TAOK3: variants seen among roughly 807,000 people sequenced by gnomAD.
TAOK3 encodes TAO kinase 3, also known as serine/threonine-protein kinase TAO3.
TAOK3 carries 40 observed loss-of-function variants against 120.4 expected under a neutral mutation model. The ratio of observed to expected loss-of-function variants is 0.33; its 90% CI spans 0.26 to 0.43. The LOEUF (loss-of-function observed/expected upper bound fraction) is 0.43. TAOK3 is among the 20% of genes least tolerant of loss of function. The pLI is 1.00. For missense variants in TAOK3, 821 were observed against 1,112.1 expected, an observed-to-expected ratio of 0.74 and a Z score of 3.72; for synonymous variants, 355 against 387.5, an observed-to-expected ratio of 0.92 and a Z score of 0.99.
chr12:118,285,687 C>A (rs920145519), intron 1 of TAOK3, among the ~76,000 whole-genome samples: 11 of 152,160 alleles, frequency 7.2e-5, no homozygotes, highest in African/African-American at 2.7e-4. Flanking sequence ...TTTAAATATT[C>A]TCTTGTGAAC....
At chr12:118,269,229 T>C (rs559409755) in intron 1 of TAOK3, among the ~76,000 whole-genome samples, 1 of 151,830 alleles carries the variant, frequency 6.6e-6, no homozygotes, top group South Asian at 2.1e-4. Flanking sequence ...TGGCGAGATT[T>C]CAGCTCACTG....
At chr12:118,182,308 A>G in intron 14 of TAOK3, among the ~76,000 whole-genome samples, 1 of 152,226 alleles carries the variant, frequency 6.6e-6, no homozygotes, top group East Asian at 1.9e-4. Context: ...ATTGGGAATC[A>G]GGCCCATCTC....
At chr12:118,325,385 A>G (rs928012949) in intron 1 of TAOK3, among the ~76,000 whole-genome samples, 2 of 152,102 alleles carry the variant, frequency 1.3e-5, no homozygotes, top group African/African-American at 4.8e-5. Context: ...GCCAGCATTC[A>G]TTATTGCCTG....
At chr12:118,336,368 C>A (rs1003772591) in intron 1 of TAOK3, among the ~76,000 whole-genome samples, 7 of 152,106 alleles carry the variant, frequency 4.6e-5, no homozygotes, top group African/African-American at 1.7e-4. Flanking sequence ...TCCTTTTCAA[C>A]AAATGGTGCT....
At chr12:118,328,479 G>A (rs556297706) in intron 1 of TAOK3, among the ~76,000 whole-genome samples, 12 of 152,170 alleles carry the variant, frequency 7.9e-5, no homozygotes, top group South Asian at 2.1e-4. Context: ...TTAAAGAAAC[G>A]TACATTTAAT....
rs541342864 is a variant in TAOK3 at position 118,344,214 on chromosome 12, A to C, written c.-194+28434T>G. The stretch of plus-strand genomic sequence containing the variant: ...AGTCCTTTATCTTGTATGCAGTCTG[A>C]ATTTTTTTTCCTGATTTACCAAAAT... On this transcript the variant is annotated intron_variant, in intron 1 of 20. Transcript: ENST00000392533. 2.0e-5 allele frequency among the ~76,000 whole-genome samples: 3 copies of C among 146,886 alleles called. No individual in the cohort carries two copies. In the East Asian group the frequency reaches 5.9e-4, roughly 29 times the overall value.
At chr12:118,198,163 C>T (rs900567921) in intron 13 of TAOK3, among the ~76,000 whole-genome samples, 3 of 152,052 alleles carry the variant, frequency 2.0e-5, no homozygotes, top group African/African-American at 7.2e-5. Flanking sequence ...CCAGCCATAG[C>T]TTCTATGGCC....
intron 16 of TAOK3, among the ~76,000 whole-genome samples, chr12:118,176,451 A>G (rs1565899077): frequency 2.0e-5 from 3 of 152,214 alleles, no homozygotes; most frequent in Non-Finnish European, 4.4e-5. Flanking sequence ...AAGACAATGG[A>G]TTTCAAAACT....
intron 15 of TAOK3, among the ~76,000 whole-genome samples, chr12:118,180,895 A>C (rs1052702760): frequency 6.7e-6 from 1 of 149,732 alleles, no homozygotes; most frequent in Non-Finnish European, 1.5e-5. Flanking sequence ...CCCAGGCTGG[A>C]GTGTAATGGC....
chr12:118,355,860 T>G (rs2141262149), intron 1 of TAOK3, among the ~76,000 whole-genome samples: 1 of 152,340 alleles, frequency 6.6e-6, no homozygotes, highest in East Asian at 1.9e-4. Context: ...GTATTATAAT[T>G]ATATCAATTT....
At chr12:118,265,376 G>A (rs1414039580) in intron 2 of TAOK3, among the ~76,000 whole-genome samples, 2 of 124,946 alleles carry the variant, frequency 1.6e-5, no homozygotes, top group Admixed American at 9.5e-5. Context: ...GTGACAGAGT[G>A]AAACACTGTC....
rs528309798 is a variant in TAOK3, at chr12:118,207,844, C to T, written c.819+5070G>A. ...CACTGCACTCCAGCCTGGGCAACGG[C>T]GCGAGACTCTGTCTCACACACACAC... On this transcript the variant is annotated intron_variant, in intron 11 of 20. Transcript: ENST00000392533. 2.8e-3 allele frequency among the ~76,000 whole-genome samples: 286 copies of T among 100,644 alleles called. 1 individual carries two copies. Among genetic ancestry groups the T allele is most frequent in the Non-Finnish European group, 4.0e-3 (182 of 45,130 alleles). The allele number at this position is 100,644 out of a possible 152,430, so 66.0% of individuals were successfully genotyped here. A position where few individuals can be genotyped will look rare whatever the true frequency, so the allele number is the denominator to read the frequency against.
intron 1 of TAOK3, among the ~76,000 whole-genome samples, chr12:118,364,089 T>C (rs1314793820): frequency 6.6e-6 from 1 of 152,086 alleles, no homozygotes; most frequent in Non-Finnish European, 1.5e-5. Context: ...TGAGTGGAGA[T>C]GGCGCCATTG....
chr12:118,169,611 T>C (rs1389242714), intron 17 of TAOK3, among the ~76,000 whole-genome samples: 1 of 152,082 alleles, frequency 6.6e-6, no homozygotes, highest in Admixed American at 6.6e-5. Context: ...ATGCCCGGCC[T>C]GAGTCAGCTT....
Position 118,161,945 on chromosome 12 carries a change from T to C in TAOK3, c.1982A>G (p.Tyr661Cys). Residue 661 changes from tyrosine to cysteine, a missense_variant, in exon 18 of 21, where the codon TAC becomes TGC. Coordinates refer to ENST00000392533, the MANE Select transcript of TAOK3 (RefSeq NM_016281.4). The surrounding 1 kb of genome is among the most constrained non-coding windows in gnomAD (Gnocchi z 4.5). Reference sequence around the variant, plus strand: ...CTTCTGTAACGTGTGCAGCTGCCTGTACTCTAGCTCTCGGGTGGACTCGTC... The same window carrying C: ...CTTCTGTAACGTGTGCAGCTGCCTGCACTCTAGCTCTCGGGTGGACTCGTC... ...RHDESTRELE[Y>C]RQLHTLQKLR... is the part of the protein sequence containing the mutation. 6.2e-7 allele frequency: 1 copy of C among 1,614,206 alleles called. No homozygotes were observed. The highest frequency in any genetic ancestry group is 2.2e-5 in the East Asian group (1 of 44,890).
chr12:118,243,459 T>C lies in TAOK3; in HGVS notation c.250A>G (p.Thr84Ala). The C allele has an allele frequency of 4.5e-6, 7 of 1,553,436 alleles. No homozygotes were observed. Among genetic ancestry groups the C allele is most frequent in the Non-Finnish European group, 5.2e-6 (6 of 1,158,450 alleles). The change falls in exon 5 of 21, where the codon ACT becomes GCT. Residue 84 changes from threonine to alanine, a missense_variant. Transcript: ENST00000392533. ...KFLRQLKHPN[T>A]IEYKGCYLKE... ...AAGTAACAGCCTTTGTACTCAATAG[T>C]ATTAGGATGCTTCAATTGTCGTAAA...
chr12:118,151,243 A>G (rs939518102), intron 20 of TAOK3, 85 bp from the exon 21 acceptor site: 3 of 1,418,594 alleles, frequency 2.1e-6, no homozygotes, highest in African/African-American at 2.8e-5. Context: ...AGGCACACAT[A>G]TGACATGCAC....
At position 118,234,212 on chromosome 12, in the gene TAOK3, ATTTTTTTTTTTTTTTT is replaced by A. The variant is rs763473530; in HGVS notation, c.552-463_552-448del. Reference sequence around the variant, plus strand: ...TTAAAGTAATTAAATAAAGCAGGAAATTTTTTTTTTTTTTTTTTTTTTTTTTTTTTTTTTGAGACGG... The same window carrying A: ...TTAAAGTAATTAAATAAAGCAGGAAATTTTTTTTTTTTTTTTTTGAGACGG... On this transcript the variant is annotated intron_variant, in intron 8 of 20. Coordinates refer to ENST00000392533, the MANE Select transcript of TAOK3 (RefSeq NM_016281.4). 1.5e-4 allele frequency among the ~76,000 whole-genome samples: 9 copies of A among 58,340 alleles called. No homozygotes were observed. In the South Asian group the frequency reaches 2.8e-3, roughly 18 times the overall value. 38.3% of individuals were successfully genotyped at this position (58,340 alleles called of 152,430 possible). A position where few individuals can be genotyped will look rare whatever the true frequency, so the allele number is the denominator to read the frequency against.
chr12:118,327,487 G>T (rs2043981647), intron 1 of TAOK3, among the ~76,000 whole-genome samples: 2 of 152,166 alleles, frequency 1.3e-5, no homozygotes, highest in Admixed American at 6.5e-5. Context: ...TAATAATAGT[G>T]AAGGAAAATG....
Sources: gnomAD v4.1 joint callset for allele counts (sites outside exome capture counted in the v4.1 genomes callset) on GRCh38, gnomAD v4.1.1 for gene constraint, Gnocchi (gnomAD v3.1) non-coding constraint, MANE v1.5 for transcripts, NCBI Gene and HGNC (gene_info 2026-07-23, HGNC 2026-07-21) for gene names.